POM121: variants seen among roughly 807,000 people sequenced by gnomAD.
The protein encoded by POM121 is POM121 transmembrane nucleoporin, also known as nuclear envelope pore membrane protein POM 121.
In POM121, 32 loss-of-function variants were observed where a neutral mutation model predicts 81.3. The observed-to-expected ratio is 0.39, with a 90% CI of 0.30 to 0.53. The LOEUF (loss-of-function observed/expected upper bound fraction) is 0.53, where lower values mean the gene tolerates loss of function less well. Among genes scored for constraint, POM121 ranks in the 20% least tolerant of loss-of-function variants. POM121 has a pLI of 0.66. For synonymous variants in POM121, 514 were observed against 694.2 expected, an observed-to-expected ratio of 0.74 and a Z score of 4.08; for missense variants, 1,138 against 1,614.6, an observed-to-expected ratio of 0.70 and a Z score of 5.06.
At chr7:72,925,886 C>G in intron 1 of POM121, 121 bp downstream of exon 1, 1 of 1,187,986 alleles carries the variant, frequency 8.4e-7, no homozygotes, top group East Asian at 2.9e-5. Flanking sequence ...GTGGTTTTGC[C>G]CTCCTTAACA....
At chr7:72,949,937 G>T (rs1554504435), downstream of POM121, 1 of 1,612,624 alleles carries the variant, frequency 6.2e-7, no homozygotes, top group Admixed American at 1.7e-5. Flanking sequence ...CGGGGGTCCA[G>T]CAGCATGGCT....
intron 3 of POM121, among the ~76,000 whole-genome samples, chr7:72,897,418 G>A (rs1387366553): frequency 1.3e-5 from 2 of 152,192 alleles, no homozygotes; most frequent in African/African-American, 2.4e-5. Context: ...GTTCAGCAAA[G>A]GCAAAGGTGG....
intron 3 of POM121, among the ~76,000 whole-genome samples, chr7:72,894,119 C>T (rs2129575017): frequency 6.6e-6 from 1 of 152,032 alleles, no homozygotes; most frequent in Middle Eastern, 3.4e-3. Flanking sequence ...CAAAAATTAC[C>T]TGGGCGTGGT....
intron 1 of POM121, among the ~76,000 whole-genome samples, chr7:72,889,163 G>C (rs1554490494): frequency 6.6e-6 from 1 of 152,108 alleles, no homozygotes; most frequent in African/African-American, 2.4e-5. Context: ...TTGCTTTCTG[G>C]ACTAACTTAA....
chr7:72,925,042 C>T, upstream of POM121: 1 of 1,348,228 alleles, frequency 7.4e-7, no homozygotes. Context: ...GCGCGCATGA[C>T]GTAGAGGGCG....
At chr7:72,921,810 T>A (rs782654300), upstream of POM121, among the ~76,000 whole-genome samples, 8 of 152,236 alleles carry the variant, frequency 5.3e-5, no homozygotes, top group Non-Finnish European at 1.0e-4. Context: ...TAGTATTTTA[T>A]TATATGAATT....
chr7:72,887,423 T>C (rs2923687), intron 1 of POM121, among the ~76,000 whole-genome samples: 8 of 152,202 alleles, frequency 5.3e-5, no homozygotes, highest in Admixed American at 4.6e-4. Context: ...GTTCTTCTTC[T>C]CTGCTCCATG....
rs571940109 is a variant in POM121 at position 72,928,484 on chromosome 7, G to A, written c.1103+19G>A. ...TGCCTAAGTAAGTGGGAGTCCATCC[G>A]GATGAAATACCAACTGTTTGGAAAA... is the stretch of plus-strand genomic sequence containing the variant. On this transcript the variant is annotated intron_variant, in intron 4 of 12. Transcript: ENST00000434423. The A allele has an allele frequency of 6.2e-6, 10 of 1,609,888 alleles. No individual in the cohort carries two copies. The highest frequency in any genetic ancestry group is 1.7e-4 in the Middle Eastern group (1 of 6,052).
At chr7:72,886,963 T>C (rs1476946401) in intron 1 of POM121, among the ~76,000 whole-genome samples, 2 of 151,876 alleles carry the variant, frequency 1.3e-5, no homozygotes, top group East Asian at 3.9e-4. Context: ...AACATTTTTA[T>C]CATTATCTCT....
chr7:72,896,129 G>A (rs527635303), intron 3 of POM121, among the ~76,000 whole-genome samples: 183 of 150,062 alleles, frequency 1.2e-3, no homozygotes, highest in African/African-American at 4.3e-3. Context: ...TCAATCTTTG[G>A]GTTTTATTCC....
chr7:72,938,749 C>G (rs369132294), intron 6 of POM121, 68 bp downstream of exon 6: 8 of 1,524,238 alleles, frequency 5.2e-6, no homozygotes, highest in Admixed American at 1.7e-5. Context: ...AGGTGGGAAA[C>G]GAACCTGGCT....
rs1796239968 is a variant in POM121 at position 72,933,674 on chromosome 7, TA to T, written c.1275+3565del. Among the ~76,000 whole-genome samples, 4 of 152,332 alleles carry T rather than the reference TA, an allele frequency of 2.6e-5. No homozygotes were observed. In the South Asian group the frequency reaches 8.3e-4, roughly 32 times the overall value. On this transcript the variant is annotated intron_variant, in intron 5 of 12. Transcript: ENST00000434423. Reference sequence around the variant, plus strand: ...GGCTTTGTGACAGGAATTGTCCACATAAGAGATACATGCACCCTTTGATCAA... The same window carrying T: ...GGCTTTGTGACAGGAATTGTCCACATAGAGATACATGCACCCTTTGATCAA...
intron 5 of POM121, among the ~76,000 whole-genome samples, 186 bp downstream of exon 5, chr7:72,930,297 A>G (rs1795886211): frequency 6.6e-6 from 1 of 152,262 alleles, no homozygotes; most frequent in Non-Finnish European, 1.5e-5. Context: ...TGTACAAAAG[A>G]ATTTTTAAAG....
chr7:72,884,084 T>C (rs1790438788), intron 1 of POM121, among the ~76,000 whole-genome samples: 1 of 152,184 alleles, frequency 6.6e-6, no homozygotes, highest in South Asian at 2.1e-4. Context: ...TTTTTAATTT[T>C]TATTAGAGAC....
In POM121 at chr7:72,893,397, C is replaced by A. The variant is rs1791504314; in HGVS notation, c.-216+2287C>A. On this transcript the variant is annotated intron_variant, in intron 3 of 15. Coordinates refer to the POM121 transcript ENST00000395270. ...AGGAGATCGAGACCATCCTGGCAAA[C>A]ACGGTGAAACCCCGTCTCTACTAAA... Among the ~76,000 whole-genome samples, 6 of 151,968 alleles carry A rather than the reference C, an allele frequency of 3.9e-5. No homozygotes were observed. In the South Asian group the frequency reaches 1.2e-3, roughly 32 times the overall value.
intron 11 of POM121, among the ~76,000 whole-genome samples, chr7:72,944,336 T>G (rs1219176621): frequency 2.0e-5 from 3 of 151,992 alleles, no homozygotes; most frequent in Admixed American, 2.0e-4. Flanking sequence ...GGAAGATGAA[T>G]GTAGATCCCA....
intron 10 of POM121, among the ~76,000 whole-genome samples, chr7:72,941,533 G>A (rs1554501021): frequency 1.4e-5 from 2 of 147,954 alleles, no homozygotes; most frequent in Non-Finnish European, 3.0e-5. Context: ...GAGCTTAGTA[G>A]GCAAATAAAG....
At chr7:72,948,835 G>A (rs1554504041), downstream of POM121, 1 of 1,548,934 alleles carries the variant, frequency 6.5e-7, no homozygotes, top group African/African-American at 1.4e-5. Flanking sequence ...CCCAATGCTG[G>A]GTAAGAGAGC....
intron 3 of POM121, among the ~76,000 whole-genome samples, chr7:72,908,708 C>T (rs190119366): frequency 6.5e-4 from 99 of 152,298 alleles, no homozygotes; most frequent in Middle Eastern, 3.4e-3. Context: ...TTCTCTTTCT[C>T]AGGGCTGTTC....
Sources: allele counts gnomAD v4.1 joint callset (sites outside exome capture counted in the v4.1 genomes callset), GRCh38; gene constraint gnomAD v4.1.1; transcripts MANE v1.5; gene names NCBI Gene and HGNC (gene_info 2026-07-23, HGNC 2026-07-21).